The following HUNK variants were observed in gnomAD, a reference collection of about 807,000 sequenced individuals.
The protein encoded by HUNK is hormonally up-regulated neu tumor-associated kinase.
In HUNK, 21 loss-of-function variants were observed where a neutral mutation model predicts 61.0. The observed-to-expected ratio is 0.34, with a 90% CI of 0.24 to 0.50. The LOEUF (loss-of-function observed/expected upper bound fraction) is 0.50, where lower values mean the gene tolerates loss of function less well. Among genes scored for constraint, HUNK ranks in the 20% least tolerant of loss-of-function variants. The pLI is 0.98. For synonymous variants in HUNK, 371 were observed against 386.1 expected (o/e 0.96, Z 0.46); for missense variants, 772 against 945.7 (o/e 0.82, Z 2.41).
intron 2 of HUNK, among the ~76,000 whole-genome samples, chr21:31,939,415 T>G (rs1228115664): frequency 7.0e-6 from 1 of 142,756 alleles, no homozygotes; most frequent in Non-Finnish European, 1.5e-5. Flanking sequence ...TTTTTTTTTT[T>G]TTTTTTTTTT....
chr21:31,976,137 GA>G (rs1268368364), intron 7 of HUNK, among the ~76,000 whole-genome samples: 1 of 152,070 alleles, frequency 6.6e-6, no homozygotes, highest in Admixed American at 6.6e-5. Context: ...TTTTATGGGG[GA>G]AAAAACGTGG....
At position 31,998,685 on chromosome 21, in the gene HUNK, A is replaced by G. The variant is rs768196255; in HGVS notation, c.1646A>G (p.His549Arg). ...QPGPGSTGIPHKEDPLMLDMV... is the reference protein window; with the variant it reads ...QPGPGSTGIPRKEDPLMLDMV... ...GGGCCCGGAAGCACTGGCATCCCCC[A>G]CAAGGAAGACCCCCTGATGCTGGAC... The change falls in exon 11 of 11, where the codon CAC (histidine) becomes CGC (arginine). Residue 549 changes from histidine (H) to arginine (R), a missense_variant. Around this residue, in one of 2 missense-constraint regions of HUNK, gnomAD observed 413 missense variants for 444.4 expected, o/e 0.93. Coordinates refer to ENST00000270112, the MANE Select transcript of HUNK (RefSeq NM_014586.2). 2 of 1,613,974 alleles carry G rather than the reference A, an allele frequency of 1.2e-6. No individual in the cohort carries two copies. Among genetic ancestry groups the G allele is most frequent in the Non-Finnish European group, 1.7e-6 (2 of 1,180,000 alleles).
chr21:31,991,308 T>G (rs2053170669), intron 9 of HUNK, among the ~76,000 whole-genome samples: 1 of 152,068 alleles, frequency 6.6e-6, no homozygotes, highest in Non-Finnish European at 1.5e-5. Flanking sequence ...AAACTCTGCC[T>G]TCCAAGCTCA....
At position 31,914,385 on chromosome 21, in the gene HUNK, GCAACAA is replaced by G. The variant is rs1205437559; in HGVS notation, c.262-10082_262-10077del. On this transcript the variant is annotated intron_variant, in intron 1 of 10. Coordinates refer to ENST00000270112, the MANE Select transcript of HUNK (RefSeq NM_014586.2). ...ATCTTGCCATTGTACTCCAGCCTGG[GCAACAA>G]GAGTGAAACTCTGTCTCAAAAAAAA... Among the ~76,000 whole-genome samples, 163 of 128,664 alleles carry G rather than the reference GCAACAA, an allele frequency of 1.3e-3. 1 individual carries two copies. Among genetic ancestry groups the G allele is most frequent in the African/African-American group, 5.0e-3 (154 of 30,690 alleles). 84.4% of individuals were successfully genotyped at this position (128,664 alleles called of 152,430 possible).
At chr21:31,931,888 C>A (rs1221028719) in intron 2 of HUNK, among the ~76,000 whole-genome samples, 1 of 152,168 alleles carries the variant, frequency 6.6e-6, no homozygotes, top group Non-Finnish European at 1.5e-5. Context: ...TCTCCCATCC[C>A]ACAACCCTGG....
chr21:31,998,574 G>A lies in HUNK; in HGVS notation c.1535G>A (p.Cys512Tyr), dbSNP rs749499984. ...TTCCGCAAAACCTCAGATTCCAATT[G>A]TGTGGCTTCTTCTTCCATGGAGTTC... ...NIFRKTSDSN[C>Y]VASSSMEFIP... is the part of the protein sequence containing the mutation. Residue 512 changes from cysteine (C) to tyrosine (Y), a missense_variant, in exon 11 of 11, where the codon TGT (cysteine) becomes TAT (tyrosine). By Grantham distance (194) the Cys-to-Tyr change is radical (BLOSUM62 -2). This residue lies in a region of HUNK where 413 missense variants were observed against 444.4 expected (regional missense o/e 0.93). Coordinates refer to ENST00000270112, the MANE Select transcript of HUNK (RefSeq NM_014586.2). 1.9e-6 allele frequency: 3 copies of A among 1,609,468 alleles called. No individual in the cohort carries two copies. Among genetic ancestry groups the A allele is most frequent in the Non-Finnish European group, 2.5e-6 (3 of 1,178,432 alleles).
At chr21:31,917,715 C>T (rs866745150) in intron 1 of HUNK, among the ~76,000 whole-genome samples, 2 of 133,506 alleles carry the variant, frequency 1.5e-5, no homozygotes, top group South Asian at 2.2e-4. Context: ...CACACACACA[C>T]ACACACACAC....
At chr21:31,949,594 C>CACACAT (rs1275170012) in intron 4 of HUNK, among the ~76,000 whole-genome samples, 9 of 152,102 alleles carry the variant, frequency 5.9e-5, no homozygotes, top group African/African-American at 2.2e-4. Context: ...CACACACACA[C>CACACAT]GCACACAAAA....
chr21:31,899,120 G>C (rs561859546), intron 1 of HUNK, among the ~76,000 whole-genome samples: 95 of 142,134 alleles, frequency 6.7e-4, no homozygotes, highest in African/African-American at 2.5e-3. Flanking sequence ...ACAAGTCGAG[G>C]CTGGCAACGA....
intron 10 of HUNK, 43 bp downstream of exon 10, chr21:31,995,991 C>T: frequency 6.8e-7 from 1 of 1,472,602 alleles, no homozygotes; most frequent in Non-Finnish European, 9.4e-7. Context: ...TCGTGTTGGG[C>T]TGTGTGTCCG....
At chr21:31,951,853 A>G (rs984672600) in intron 4 of HUNK, among the ~76,000 whole-genome samples, 1 of 152,190 alleles carries the variant, frequency 6.6e-6, no homozygotes, top group African/African-American at 2.4e-5. Flanking sequence ...GGGGTCAAAT[A>G]CAGAAGGATG....
chr21:31,877,349 A>G (rs1225393947), intron 1 of HUNK, among the ~76,000 whole-genome samples: 1 of 152,174 alleles, frequency 6.6e-6, no homozygotes, highest in Non-Finnish European at 1.5e-5. Flanking sequence ...AAAGGGAGCC[A>G]GTTTTTCCCA....
In HUNK at chr21:31,873,573, C is replaced by A; in HGVS notation, c.-102C>A. On this transcript the variant is annotated 5_prime_UTR_variant, in exon 1 of 11. Transcript: ENST00000270112. The surrounding 1 kb of genome is among the most constrained non-coding windows in gnomAD (Gnocchi z 6.1). ...TGCGGAGACCCAGGCGGGGCTGGGC[C>A]CAGGGCGGCGGCGGGAGAAGCCGGG... 2.2e-6 allele frequency: 2 copies of A among 919,120 alleles called. No individual in the cohort carries two copies. The highest frequency in any genetic ancestry group is 2.6e-6 in the Non-Finnish European group (2 of 769,478). 56.9% of individuals were successfully genotyped at this position (919,120 alleles called of 1,614,324 possible). A position where few individuals can be genotyped will look rare whatever the true frequency, so the allele number is the denominator to read the frequency against.
Position 32,000,076 on chromosome 21 carries a change from T to C in HUNK, c.*892T>C. 1 of 396,182 alleles carries C rather than the reference T, an allele frequency of 2.5e-6. No individual in the cohort carries two copies. The highest frequency in any genetic ancestry group is 4.4e-6 in the Non-Finnish European group (1 of 225,308). 24.5% of individuals were successfully genotyped at this position (396,182 alleles called of 1,614,324 possible). ...CTCGGTGGCCCTGTGTTCATCCTGT[T>C]GTTTAAGGCATAGCCCTGATCCTTC... On this transcript the variant is annotated 3_prime_UTR_variant, in exon 11 of 11. Transcript: ENST00000270112.
intron 5 of HUNK, among the ~76,000 whole-genome samples, chr21:31,961,122 C>T (rs1459419978): frequency 6.6e-6 from 1 of 152,180 alleles, no homozygotes; most frequent in East Asian, 1.9e-4. Flanking sequence ...TCTCCCTAAG[C>T]CCTGTCAGCC....
chr21:31,957,440 G>A (rs974672286), intron 4 of HUNK, among the ~76,000 whole-genome samples: 1 of 152,194 alleles, frequency 6.6e-6, no homozygotes, highest in Non-Finnish European at 1.5e-5. Context: ...GGGAGCGGTG[G>A]GCTCCAGTAC....
At chr21:31,947,407 C>G (rs1404594838) in intron 4 of HUNK, among the ~76,000 whole-genome samples, 1 of 152,262 alleles carries the variant, frequency 6.6e-6, no homozygotes, top group African/African-American at 2.4e-5. Context: ...CATTCTCAAG[C>G]CAATGGCGTC....
chr21:31,958,821 A>G, intron 4 of HUNK, 22 bp from the exon 5 acceptor site: 17 of 1,559,820 alleles, frequency 1.1e-5, no homozygotes, highest in Non-Finnish European at 1.4e-5. Flanking sequence ...CTCCGCTTTC[A>G]TGTGTATGTC....
At chr21:31,900,446 A>AACACACACAAACACACAC (rs1555876247) in intron 1 of HUNK, among the ~76,000 whole-genome samples, 1 of 143,024 alleles carries the variant, frequency 7.0e-6, no homozygotes, top group African/African-American at 2.7e-5. Flanking sequence ...TAGTTACTGA[A>AACACACACAAACACACAC]ACACACACAC....
Sources: allele counts gnomAD v4.1 joint callset (sites outside exome capture counted in the v4.1 genomes callset), GRCh38; gene constraint gnomAD v4.1.1; regional missense constraint gnomAD v4.1.1; non-coding constraint Gnocchi (gnomAD v3.1); transcripts MANE v1.5; gene names NCBI Gene and HGNC (gene_info 2026-07-23, HGNC 2026-07-21).